Variants in BORCS7 observed in about 807,000 individuals in gnomAD.
BORCS7 encodes BLOC-1-related complex subunit 7.
BORCS7 carries 20 observed loss-of-function variants against 17.5 expected under a neutral mutation model. The observed-to-expected ratio is 1.14, with a 90% confidence interval of 0.80 to 1.66. BORCS7 has a LOEUF of 1.66. BORCS7 is among the 40% of genes most tolerant of loss of function. The probability of loss-of-function intolerance (pLI) is 0.00; values close to 1 mark genes in which losing one functional copy is unlikely to be tolerated. For missense variants in BORCS7, 122 were observed against 129.7 expected (o/e 0.94, Z 0.29); for synonymous variants, 57 against 49.8 (o/e 1.14, Z -0.61).
At chr10:102,862,474 C>T (rs1249242502) in intron 4 of BORCS7, among the ~76,000 whole-genome samples, 2 of 152,156 alleles carry the variant, frequency 1.3e-5, no homozygotes, top group Non-Finnish European at 2.9e-5. Flanking sequence ...AGTAAATGTG[C>T]AAAAACCATT....
chr10:102,854,450 C>A, intron 1 of BORCS7, 23 bp downstream of exon 1: 1 of 1,518,328 alleles, frequency 6.6e-7, no homozygotes, highest in South Asian at 1.2e-5. Flanking sequence ...TGGACTCTCC[C>A]GGCCTGATAG....
intron 1 of BORCS7, among the ~76,000 whole-genome samples, chr10:102,859,166 CAG>C (rs796481725): frequency 7.5e-5 from 11 of 147,020 alleles, no homozygotes; most frequent in South Asian, 6.5e-4. Flanking sequence ...TTTTTTGAGA[CAG>C]AGTCTCACTC....
In BORCS7 at chr10:102,862,979, C is replaced by T. The variant is rs746975966; in HGVS notation, c.*55C>T. Reference sequence around the variant, plus strand: ...TTTGCCTAATGCTGAGGAGTAAATACCTTACACAGCTGTCCTCTGGGTTTG... The same window carrying T: ...TTTGCCTAATGCTGAGGAGTAAATATCTTACACAGCTGTCCTCTGGGTTTG... On this transcript the variant is annotated 3_prime_UTR_variant, in exon 5 of 5. Transcript: ENST00000339834. 2.9e-6 allele frequency: 4 copies of T among 1,385,230 alleles called. No individual in the cohort carries two copies. Among genetic ancestry groups the T allele is most frequent in the Non-Finnish European group, 4.1e-6 (4 of 974,358 alleles). 85.8% of individuals were successfully genotyped at this position (1,385,230 alleles called of 1,614,324 possible). A position where few individuals can be genotyped will look rare whatever the true frequency, so the allele number is the denominator to read the frequency against.
At position 102,862,148 on chromosome 10, in the gene BORCS7, T is replaced by A; in HGVS notation, c.249-12T>A. On this transcript the variant is annotated splice_polypyrimidine_tract_variant and intron_variant, in intron 3 of 4. Transcript: ENST00000339834. ...ACTTATGTGTATTTTCCTCTTTCCT[T>A]TTCTGATTTAGGCAAGAAGCTATTC... 6.2e-7 allele frequency: 1 copy of A among 1,604,992 alleles called. No homozygotes were observed. Among genetic ancestry groups the A allele is most frequent in the Non-Finnish European group, 8.5e-7 (1 of 1,171,716 alleles).
intron 1 of BORCS7, among the ~76,000 whole-genome samples, chr10:102,855,159 CTTTT>C (rs945217993): frequency 4.6e-5 from 6 of 130,748 alleles, no homozygotes; most frequent in Admixed American, 2.3e-4. Context: ...AGTACTTTTC[CTTTT>C]TTTTTTTTTT....
chr10:102,854,902 A>G (rs2134094454), intron 1 of BORCS7, among the ~76,000 whole-genome samples: 1 of 147,594 alleles, frequency 6.8e-6, no homozygotes, highest in African/African-American at 2.5e-5. Flanking sequence ...TATAATATAT[A>G]TACGTATATA....
At position 102,864,204 on chromosome 10, in the gene BORCS7, G is replaced by A. The variant is rs1844561740; in HGVS notation, c.*1280G>A. The A allele has an allele frequency of 6.6e-6, 1 of 152,180 alleles. No homozygotes were observed. Among genetic ancestry groups the A allele is most frequent in the Admixed American group, 6.6e-5 (1 of 15,266 alleles). 9.4% of individuals were successfully genotyped at this position (152,180 alleles called of 1,614,324 possible). On this transcript the variant is annotated 3_prime_UTR_variant, in exon 5 of 5. Coordinates refer to ENST00000339834, the MANE Select transcript of BORCS7 (RefSeq NM_001136200.2). ...CTGCAGGAATAAAGAGGAAGTAACA[G>A]TGAATCCAATATAGTTCATATTGTT...
At chr10:102,859,570 CTTT>C (rs570995629) in intron 1 of BORCS7, among the ~76,000 whole-genome samples, 1 of 136,494 alleles carries the variant, frequency 7.3e-6, no homozygotes. Flanking sequence ...TTTTTTTTTT[CTTT>C]TTTTTTTTTT....
chr10:102,862,970 G>A lies in BORCS7; in HGVS notation c.*46G>A. 2.7e-6 allele frequency: 4 copies of A among 1,455,416 alleles called. No individual in the cohort carries two copies. The highest frequency in any genetic ancestry group is 3.9e-6 in the Non-Finnish European group (4 of 1,035,976). The allele number at this position is 1,455,416 out of a possible 1,614,324, so 90.2% of individuals were successfully genotyped here. A position where few individuals can be genotyped will look rare whatever the true frequency, so the allele number is the denominator to read the frequency against. On this transcript the variant is annotated 3_prime_UTR_variant, in exon 5 of 5. Transcript: ENST00000339834. ...TAGGACTCCTTTGCCTAATGCTGAG[G>A]AGTAAATACCTTACACAGCTGTCCT...
chr10:102,864,248 T>C lies in BORCS7; in HGVS notation c.*1324T>C, dbSNP rs922775433. On this transcript the variant is annotated 3_prime_UTR_variant, in exon 5 of 5. Transcript: ENST00000339834. ...TATTGTTATTGTCCAATCATCAAGT[T>C]AACTAAGCATTATCAGATTACGTTT... The C allele has an allele frequency of 6.6e-6, 1 of 152,232 alleles. No individual in the cohort carries two copies. The highest frequency in any genetic ancestry group is 1.5e-5 in the Non-Finnish European group (1 of 68,026). 9.4% of individuals were successfully genotyped at this position (152,232 alleles called of 1,614,324 possible).
At chr10:102,860,571 C>T in intron 3 of BORCS7, 30 bp downstream of exon 3, 1 of 1,602,912 alleles carries the variant, frequency 6.2e-7, no homozygotes, top group Non-Finnish European at 8.5e-7. Context: ...CAACTATTTG[C>T]TGCAGAATCA....
At chr10:102,858,176 A>AT (rs113426909) in intron 1 of BORCS7, among the ~76,000 whole-genome samples, 2,079 of 121,610 alleles carry the variant, frequency 0.017, 22 homozygotes, top group African/African-American at 0.022. Context: ...AAAAAAAAAA[A>AT]ATATATATAT....
intron 1 of BORCS7, among the ~76,000 whole-genome samples, chr10:102,857,953 A>C (rs541520529): frequency 6.6e-6 from 1 of 152,068 alleles, no homozygotes; most frequent in African/African-American, 2.4e-5. Context: ...ACTTGAGCCC[A>C]GGAGTTTGAA....
rs1844545551 is a variant in BORCS7 at position 102,863,082 on chromosome 10, T to A, written c.*158T>A. 7 of 597,978 alleles carry A rather than the reference T, an allele frequency of 1.2e-5. No individual in the cohort carries two copies. In the East Asian group the frequency reaches 2.2e-4, roughly 19 times the overall value. 37.0% of individuals were successfully genotyped at this position (597,978 alleles called of 1,614,324 possible). A position where few individuals can be genotyped will look rare whatever the true frequency, so the allele number is the denominator to read the frequency against. ...CGGGCGCGGTAGCTCACGCCTGTAA[T>A]CCCAGCACTTTGGGAGGCCGAGGCG... is the stretch of plus-strand genomic sequence containing the variant. On this transcript the variant is annotated 3_prime_UTR_variant, in exon 5 of 5. Coordinates refer to ENST00000339834, the MANE Select transcript of BORCS7 (RefSeq NM_001136200.2).
chr10:102,857,745 C>G (rs1025067556), intron 1 of BORCS7, among the ~76,000 whole-genome samples: 7 of 152,150 alleles, frequency 4.6e-5, no homozygotes, highest in African/African-American at 1.7e-4. Flanking sequence ...GTTATGGTCA[C>G]CTGTAGAGTG....
chr10:102,855,181 A>T (rs1844407176), intron 1 of BORCS7, among the ~76,000 whole-genome samples: 1 of 136,494 alleles, frequency 7.3e-6, no homozygotes, highest in Non-Finnish European at 1.5e-5. Flanking sequence ...TTTTTTTGAG[A>T]CGGAGTCTAG....
chr10:102,856,010 G>T (rs1017578965), intron 1 of BORCS7, among the ~76,000 whole-genome samples: 2 of 152,060 alleles, frequency 1.3e-5, no homozygotes, highest in Non-Finnish European at 2.9e-5. Flanking sequence ...GATCCTTCCC[G>T]CTTTGGCCCC....
At position 102,854,648 on chromosome 10, in the gene BORCS7, C is replaced by T. The variant is rs560299653; in HGVS notation, c.141+221C>T. 6.8e-6 allele frequency: 3 copies of T among 440,692 alleles called. No homozygotes were observed. The Admixed American group carries it at 1.3e-4, about 19-fold the overall frequency. The allele number at this position is 440,692 out of a possible 1,614,324, so 27.3% of individuals were successfully genotyped here. ...GGGGGAAGAAGCGATGCCATGGGAACCTGTGCTTTAAAACAGCTCTTTGGG... is the reference window on the plus strand; with the variant it reads ...GGGGGAAGAAGCGATGCCATGGGAATCTGTGCTTTAAAACAGCTCTTTGGG... On this transcript the variant is annotated intron_variant, in intron 1 of 4. Coordinates refer to ENST00000339834, the MANE Select transcript of BORCS7 (RefSeq NM_001136200.2).
In BORCS7 at chr10:102,863,057, C is replaced by G; in HGVS notation, c.*133C>G. 2.5e-6 allele frequency: 2 copies of G among 808,454 alleles called. No individual in the cohort carries two copies. The highest frequency in any genetic ancestry group is 2.2e-5 in the Admixed American group (1 of 45,740). The allele number at this position is 808,454 out of a possible 1,614,324, so 50.1% of individuals were successfully genotyped here. A position where few individuals can be genotyped will look rare whatever the true frequency, so the allele number is the denominator to read the frequency against. On this transcript the variant is annotated 3_prime_UTR_variant, in exon 5 of 5. Coordinates refer to ENST00000339834, the MANE Select transcript of BORCS7 (RefSeq NM_001136200.2). ...AGTTAGAAAAGTTCTGTGTTAGGGCCGGGCGCGGTAGCTCACGCCTGTAAT... is the reference window on the plus strand; with the variant it reads ...AGTTAGAAAAGTTCTGTGTTAGGGCGGGGCGCGGTAGCTCACGCCTGTAAT...
Sources: gnomAD v4.1 joint callset for allele counts (sites outside exome capture counted in the v4.1 genomes callset) on GRCh38, gnomAD v4.1.1 for gene constraint, MANE v1.5 for transcripts, NCBI Gene and HGNC (gene_info 2026-07-23, HGNC 2026-07-21) for gene names.